The following MAGI2 variants were observed in gnomAD, a reference collection of about 807,000 sequenced individuals.
MAGI2 encodes membrane associated guanylate kinase, WW and PDZ domain containing 2, also known as membrane-associated guanylate kinase, WW and PDZ domain-containing protein 2.
MAGI2 carries 35 observed loss-of-function variants against 133.3 expected under a neutral mutation model. The observed-to-expected ratio is 0.26, with a 90% CI of 0.20 to 0.35. The LOEUF is 0.35. Ranked by LOEUF, MAGI2 falls within the 10% of genes least tolerant of loss-of-function variation. The probability of loss-of-function intolerance (pLI) is 1.00; values close to 1 mark genes in which losing one functional copy is unlikely to be tolerated. For missense variants in MAGI2, 1,636 were observed against 1,863.4 expected (o/e 0.88, Z 2.25); for synonymous variants, 729 against 710.6 (o/e 1.03, Z -0.41).
At chr7:79,353,021 C>T (rs188291111) in intron 1 of MAGI2, among the ~76,000 whole-genome samples, 12 of 152,154 alleles carry the variant, frequency 7.9e-5, no homozygotes, top group Admixed American at 7.2e-4. Context: ...TCTCTTATCT[C>T]TATTTTAAAG....
chr7:78,763,604 C>G (rs905558066), intron 2 of MAGI2, among the ~76,000 whole-genome samples: 5 of 152,116 alleles, frequency 3.3e-5, no homozygotes, highest in African/African-American at 1.2e-4. Context: ...ATCTTCCTCC[C>G]AAAGCATGAT....
At chr7:78,232,919 G>A (rs1003103814) in intron 10 of MAGI2, among the ~76,000 whole-genome samples, 3 of 152,180 alleles carry the variant, frequency 2.0e-5, no homozygotes, top group African/African-American at 7.2e-5. Flanking sequence ...GTTTTTACAT[G>A]TTTTGTTCAC....
At chr7:78,402,805 T>C (rs1196217882) in intron 6 of MAGI2, among the ~76,000 whole-genome samples, 1 of 152,184 alleles carries the variant, frequency 6.6e-6, no homozygotes, top group East Asian at 1.9e-4. Flanking sequence ...ATAAATTTAT[T>C]CTCCATATAC....
At chr7:79,388,996 C>T (rs1037258548) in intron 1 of MAGI2, among the ~76,000 whole-genome samples, 7 of 151,806 alleles carry the variant, frequency 4.6e-5, no homozygotes, top group South Asian at 4.1e-4. Flanking sequence ...AATTCAGAAA[C>T]GTCAAAGTTT....
intron 11 of MAGI2, among the ~76,000 whole-genome samples, chr7:78,197,248 C>A (rs946052482): frequency 2.0e-5 from 3 of 152,196 alleles, no homozygotes; most frequent in African/African-American, 7.2e-5. Flanking sequence ...GGTAATTTTT[C>A]ACTTTAGCTG....
intron 1 of MAGI2, among the ~76,000 whole-genome samples, chr7:79,020,351 A>G (rs1431482792): frequency 6.6e-6 from 1 of 152,184 alleles, no homozygotes; most frequent in Non-Finnish European, 1.5e-5. Flanking sequence ...TGGAAATGGA[A>G]GTTATGTTTA....
At chr7:78,545,357 C>A (rs1361589680) in intron 3 of MAGI2, among the ~76,000 whole-genome samples, 1 of 151,722 alleles carries the variant, frequency 6.6e-6, no homozygotes, top group Non-Finnish European at 1.5e-5. Context: ...CAATTACAGG[C>A]ACGCACCACC....
intron 10 of MAGI2, among the ~76,000 whole-genome samples, chr7:78,225,173 C>A (rs1584465737): frequency 6.6e-6 from 1 of 152,146 alleles, no homozygotes; most frequent in Admixed American, 6.5e-5. Context: ...CTGCAGCAGC[C>A]TTTCAGCTTG....
intron 1 of MAGI2, among the ~76,000 whole-genome samples, chr7:79,245,730 G>A (rs1209792043): frequency 1.3e-5 from 2 of 152,206 alleles, no homozygotes; most frequent in African/African-American, 4.8e-5. Flanking sequence ...GGAAGGACAT[G>A]AGCCTGTCAG....
At chr7:78,861,164 A>T (rs1266099063) in intron 2 of MAGI2, among the ~76,000 whole-genome samples, 2 of 152,176 alleles carry the variant, frequency 1.3e-5, no homozygotes, top group African/African-American at 4.8e-5. Flanking sequence ...TTGCTAGGAA[A>T]GGGAATTCCC....
chr7:79,367,388 AT>A (rs140110944), intron 1 of MAGI2, among the ~76,000 whole-genome samples: 14,672 of 152,136 alleles, frequency 0.096, 987 homozygotes, highest in Middle Eastern at 0.17. Context: ...TAATAGTGAG[AT>A]AGTTTTAAAC....
intron 1 of MAGI2, among the ~76,000 whole-genome samples, chr7:79,219,318 C>A (rs1260006823): frequency 6.6e-6 from 1 of 151,814 alleles, no homozygotes; most frequent in Non-Finnish European, 1.5e-5. Context: ...TTACAGGAAA[C>A]AAATGGTAAA....
At chr7:78,093,938 A>G (rs1212491908) in intron 20 of MAGI2, among the ~76,000 whole-genome samples, 1 of 152,232 alleles carries the variant, frequency 6.6e-6, no homozygotes, top group Non-Finnish European at 1.5e-5. Flanking sequence ...AAATCAAGCT[A>G]CTAAGCAAGC....
intron 2 of MAGI2, chr7:78,946,662 T>C (rs1584471520): frequency 6.6e-6 from 1 of 152,206 alleles, no homozygotes; most frequent in Non-Finnish European, 1.5e-5. Context: ...GTACTGCTTC[T>C]GGGTTATGTT....
At chr7:78,720,760 AATC>A (rs953155131) in intron 2 of MAGI2, among the ~76,000 whole-genome samples, 7 of 152,230 alleles carry the variant, frequency 4.6e-5, no homozygotes, top group African/African-American at 1.7e-4. Context: ...GTTGAGAAAA[AATC>A]ATCTTTTCCT....
chr7:78,392,705 G>A (rs866640650), intron 6 of MAGI2, among the ~76,000 whole-genome samples: 14 of 152,076 alleles, frequency 9.2e-5, no homozygotes, highest in Non-Finnish European at 1.6e-4. Flanking sequence ...GTACAACGGC[G>A]CAATCTTGGC....
At chr7:78,287,228 G>T (rs548191285) in intron 9 of MAGI2, among the ~76,000 whole-genome samples, 1 of 152,276 alleles carries the variant, frequency 6.6e-6, no homozygotes, top group South Asian at 2.1e-4. Context: ...GCTTAAGAAA[G>T]GAGAGTGATT....
At chr7:78,309,664 A>G (rs1264011402) in intron 9 of MAGI2, among the ~76,000 whole-genome samples, 1 of 152,092 alleles carries the variant, frequency 6.6e-6, no homozygotes, top group Non-Finnish European at 1.5e-5. Flanking sequence ...ATCCCCTGAA[A>G]CTAAAATAAA....
chr7:78,500,451 C>G (rs1794520363), intron 5 of MAGI2, among the ~76,000 whole-genome samples: 1 of 152,154 alleles, frequency 6.6e-6, no homozygotes, highest in South Asian at 2.1e-4. Flanking sequence ...TTTACTCTTA[C>G]TAATGAACAT....
Sources: gnomAD v4.1 joint callset for allele counts (sites outside exome capture counted in the v4.1 genomes callset) on GRCh38, gnomAD v4.1.1 for gene constraint, MANE v1.5 for transcripts, NCBI Gene and HGNC (gene_info 2026-07-23, HGNC 2026-07-21) for gene names.